DCDC1: variants seen among roughly 807,000 people sequenced by gnomAD.
DCDC1 encodes the protein doublecortin domain containing 1, also known as doublecortin domain-containing protein 1.
Under a neutral mutation model 178.3 loss-of-function variants are expected in DCDC1, and 200 were observed. The observed-to-expected ratio is 1.12, with a 90% CI of 1.00 to 1.26. The LOEUF (loss-of-function observed/expected upper bound fraction) is 1.26, where lower values mean the gene tolerates loss of function less well. Among genes scored for constraint, DCDC1 ranks in the 50% most tolerant of loss-of-function variants. The pLI, the probability that DCDC1 is intolerant of heterozygous loss-of-function variation, is 0.00. For missense variants in DCDC1, 1,983 were observed against 1,749.2 expected (o/e 1.13, Z -2.38); for synonymous variants, 690 against 604.8 (o/e 1.14, Z -2.07).
intron 3 of DCDC1, among the ~76,000 whole-genome samples, chr11:31,324,461 T>C (rs1443489297): frequency 6.6e-6 from 1 of 152,062 alleles, no homozygotes; most frequent in Non-Finnish European, 1.5e-5. Context: ...TCTAGTCTTT[T>C]AACATTTTAT....
At chr11:31,185,561 T>C (rs1434916573) in intron 9 of DCDC1, among the ~76,000 whole-genome samples, 1 of 152,188 alleles carries the variant, frequency 6.6e-6, no homozygotes, top group Non-Finnish European at 1.5e-5. Flanking sequence ...TCCAAAACTC[T>C]GCTCAGCAAC....
intron 1 of DCDC1, among the ~76,000 whole-genome samples, chr11:31,347,706 A>G (rs1022670078): frequency 6.6e-6 from 1 of 152,144 alleles, no homozygotes; most frequent in Non-Finnish European, 1.5e-5. Context: ...GTGTTGTAAG[A>G]ACCAGAGTTC....
At chr11:31,300,191 G>T (rs762356231) in intron 6 of DCDC1, among the ~76,000 whole-genome samples, 1 of 152,170 alleles carries the variant, frequency 6.6e-6, no homozygotes, top group Non-Finnish European at 1.5e-5. Context: ...TATGGATGAA[G>T]AAACTTAGGC....
intron 20 of DCDC1, among the ~76,000 whole-genome samples, chr11:30,958,270 G>A (rs1372573637): frequency 3.3e-5 from 5 of 152,146 alleles, no homozygotes; most frequent in African/African-American, 7.2e-5. Flanking sequence ...TATAAAGCTC[G>A]TGAATCTTTA....
Position 30,931,155 on chromosome 11 carries a change from T to A in DCDC1, c.2897+616A>T, listed in dbSNP as rs1946900376. ...CTCTTCAATGATCTATGATGCCTTTTGTCATAAAATGAAATGAAAAGACAG... is the reference window on the plus strand; with the variant it reads ...CTCTTCAATGATCTATGATGCCTTTAGTCATAAAATGAAATGAAAAGACAG... On this transcript the variant is annotated intron_variant, in intron 22 of 38. Transcript: ENST00000684477. Among the ~76,000 whole-genome samples, 2 of 152,078 alleles carry A rather than the reference T, an allele frequency of 1.3e-5. 1 individual carries two copies. Among genetic ancestry groups the A allele is most frequent in the South Asian group, 4.1e-4 (2 of 4,832 alleles).
chr11:30,950,719 G>A (rs1948366808), intron 21 of DCDC1, among the ~76,000 whole-genome samples: 1 of 152,024 alleles, frequency 6.6e-6, no homozygotes, highest in African/African-American at 2.4e-5. Context: ...GTAGCGGGGA[G>A]GAGGGAATAA....
intron 9 of DCDC1, among the ~76,000 whole-genome samples, chr11:31,138,768 C>T (rs1053417891): frequency 6.6e-6 from 1 of 152,132 alleles, no homozygotes; most frequent in Admixed American, 6.5e-5. Context: ...AGACTTACTC[C>T]TATATTTGGC....
At chr11:31,172,318 C>A in intron 9 of DCDC1, among the ~76,000 whole-genome samples, 1 of 151,748 alleles carries the variant, frequency 6.6e-6, no homozygotes. Flanking sequence ...TTAATATAAG[C>A]ATAGACACTA....
At chr11:30,877,623 A>G (rs1277779078) in intron 38 of DCDC1, among the ~76,000 whole-genome samples, 2 of 152,128 alleles carry the variant, frequency 1.3e-5, no homozygotes, top group South Asian at 2.1e-4. Context: ...CTGGGCACAT[A>G]TTGGGAATTG....
At chr11:31,359,093 C>G (rs11031366) in intron 1 of DCDC1, among the ~76,000 whole-genome samples, 1 of 152,060 alleles carries the variant, frequency 6.6e-6, no homozygotes, top group East Asian at 1.9e-4. Context: ...GGTATATACC[C>G]AAAGGACTAT....
intron 20 of DCDC1, among the ~76,000 whole-genome samples, chr11:30,979,997 A>G (rs1230101903): frequency 6.6e-6 from 1 of 152,218 alleles, no homozygotes; most frequent in Non-Finnish European, 1.5e-5. Context: ...ACTTTATACA[A>G]AGAAAACTCT....
chr11:31,139,689 T>A (rs1239046579), intron 9 of DCDC1, among the ~76,000 whole-genome samples: 1 of 152,108 alleles, frequency 6.6e-6, no homozygotes, highest in Non-Finnish European at 1.5e-5. Flanking sequence ...GCCATGACAT[T>A]TAGAACTGCT....
At chr11:31,207,987 C>G (rs1447886656) in intron 9 of DCDC1, among the ~76,000 whole-genome samples, 2 of 152,192 alleles carry the variant, frequency 1.3e-5, no homozygotes, top group Non-Finnish European at 2.9e-5. Context: ...TAACAACCAC[C>G]TATTCCTTCT....
chr11:31,026,440 T>A (rs1021303059), intron 20 of DCDC1, among the ~76,000 whole-genome samples: 2 of 151,848 alleles, frequency 1.3e-5, no homozygotes, highest in South Asian at 2.1e-4. Flanking sequence ...TTTTCAAGTT[T>A]ATGTGACTAT....
At chr11:31,197,707 G>A (rs1970846931) in intron 9 of DCDC1, among the ~76,000 whole-genome samples, 1 of 152,052 alleles carries the variant, frequency 6.6e-6, no homozygotes, top group Non-Finnish European at 1.5e-5. Context: ...GCTAACTGAT[G>A]CTTACATCAG....
At chr11:31,246,462 A>T (rs1943573355) in intron 8 of DCDC1, among the ~76,000 whole-genome samples, 1 of 151,468 alleles carries the variant, frequency 6.6e-6, no homozygotes, top group Admixed American at 6.6e-5. Flanking sequence ...AACCTATTCA[A>T]TTGGCTTTTT....
At chr11:31,057,705 C>T (rs1048465638) in intron 20 of DCDC1, among the ~76,000 whole-genome samples, 1 of 152,066 alleles carries the variant, frequency 6.6e-6, no homozygotes, top group African/African-American at 2.4e-5. Context: ...GTACAATCAG[C>T]TTGGGTCTAT....
intron 34 of DCDC1, among the ~76,000 whole-genome samples, chr11:30,895,483 T>TA (rs1944131083): frequency 6.6e-6 from 1 of 152,202 alleles, no homozygotes; most frequent in Non-Finnish European, 1.5e-5. Flanking sequence ...GTTGCCAACA[T>TA]AATCTTAATG....
chr11:30,899,169 C>A (rs1362857482), intron 34 of DCDC1, among the ~76,000 whole-genome samples: 1 of 151,740 alleles, frequency 6.6e-6, no homozygotes. Context: ...CCCAGCAATA[C>A]CCAAGGAATG....
Sources: allele counts gnomAD v4.1 joint callset (sites outside exome capture counted in the v4.1 genomes callset), GRCh38; gene constraint gnomAD v4.1.1; transcripts MANE v1.5; gene names NCBI Gene and HGNC (gene_info 2026-07-23, HGNC 2026-07-21).